Variants in ARHGAP25 observed in about 807,000 individuals in gnomAD.
ARHGAP25 encodes rho GTPase-activating protein 25.
A neutral mutation model predicts 71.0 loss-of-function variants in ARHGAP25; 34 were observed. The observed-to-expected ratio is 0.48, with a 90% CI of 0.36 to 0.64. The LOEUF is 0.64. Among genes scored for constraint, ARHGAP25 ranks in the 30% least tolerant of loss-of-function variants. ARHGAP25 has a pLI of 0.00. For synonymous variants in ARHGAP25, 282 were observed against 296.5 expected (o/e 0.95, Z 0.50); for missense variants, 706 against 805.1 (o/e 0.88, Z 1.49).
chr2:68,751,602 C>G (rs1676180892), intron 1 of ARHGAP25, among the ~76,000 whole-genome samples: 1 of 152,232 alleles, frequency 6.6e-6, no homozygotes. Context: ...TATTCAGTGT[C>G]TTTCCCTTTG....
intron 6 of ARHGAP25, among the ~76,000 whole-genome samples, chr2:68,815,336 C>T (rs1681121008): frequency 6.6e-6 from 1 of 151,748 alleles, no homozygotes. Context: ...TCTATATCTA[C>T]GGAAGCTGCT....
intron 1 of ARHGAP25, among the ~76,000 whole-genome samples, chr2:68,750,374 G>A (rs1164546092): frequency 6.6e-6 from 1 of 150,718 alleles, no homozygotes; most frequent in Non-Finnish European, 1.5e-5. Flanking sequence ...CCAGGCTGGA[G>A]TGCAATGACA....
rs574255626 is a variant in ARHGAP25, at chr2:68,819,016, C to T, written c.1004-107C>T. 115 of 981,550 alleles carry T rather than the reference C, an allele frequency of 1.2e-4. 2 individuals are homozygous for T. Among genetic ancestry groups the T allele is most frequent in the Admixed American group, 1.0e-3 (40 of 39,770 alleles). The allele number at this position is 981,550 out of a possible 1,614,324, so 60.8% of individuals were successfully genotyped here. A position where few individuals can be genotyped will look rare whatever the true frequency, so the allele number is the denominator to read the frequency against. ...GAAGCAAAATGAGGCCCTTCTGGGC[C>T]CTATAGTTTTAGAACCGAGTTTGGA... On this transcript the variant is annotated intron_variant, in intron 8 of 10. Coordinates refer to ENST00000409202, the MANE Select transcript of ARHGAP25 (RefSeq NM_001007231.3).
chr2:68,812,580 G>A lies in ARHGAP25; in HGVS notation c.675-707G>A, dbSNP rs116836876. 3.6e-3 allele frequency among the ~76,000 whole-genome samples: 543 copies of A among 152,344 alleles called. 2 individuals are homozygous for A. The highest frequency in any genetic ancestry group is 0.013 in the African/African-American group (523 of 41,574). On this transcript the variant is annotated intron_variant, in intron 5 of 10. Coordinates refer to ENST00000409202, the MANE Select transcript of ARHGAP25 (RefSeq NM_001007231.3). Reference sequence around the variant, plus strand: ...ATGTGTTCCCATCTCTGCCTTGGGTGTTCTTTTTCCATACTTCCATAGGAT... The same window carrying A: ...ATGTGTTCCCATCTCTGCCTTGGGTATTCTTTTTCCATACTTCCATAGGAT...
At chr2:68,820,135 C>G (rs1681535497) in intron 9 of ARHGAP25, among the ~76,000 whole-genome samples, 1 of 152,200 alleles carries the variant, frequency 6.6e-6, no homozygotes, top group South Asian at 2.1e-4. Flanking sequence ...ATGCATTCTA[C>G]TAACACTCTA....
At chr2:68,789,263 C>T (rs1678993691) in intron 4 of ARHGAP25, among the ~76,000 whole-genome samples, 1 of 152,184 alleles carries the variant, frequency 6.6e-6, no homozygotes, top group Middle Eastern at 3.2e-3. Flanking sequence ...TGGTCTCGAT[C>T]TCCTGGCCTC....
intron 1 of ARHGAP25, among the ~76,000 whole-genome samples, chr2:68,741,144 A>T (rs1470463391): frequency 6.6e-6 from 1 of 152,190 alleles, no homozygotes; most frequent in Non-Finnish European, 1.5e-5. Flanking sequence ...CTTGGATTAC[A>T]TTATCTTGCT....
At chr2:68,797,254 C>T (rs1474246518) in intron 4 of ARHGAP25, among the ~76,000 whole-genome samples, 1 of 152,114 alleles carries the variant, frequency 6.6e-6, no homozygotes, top group East Asian at 1.9e-4. Context: ...TTGTGAAATG[C>T]TTGGTGAGGG....
intron 5 of ARHGAP25, among the ~76,000 whole-genome samples, chr2:68,808,701 T>C (rs997998022): frequency 2.0e-5 from 3 of 152,208 alleles, no homozygotes; most frequent in Non-Finnish European, 4.4e-5. Flanking sequence ...GCTCACCACC[T>C]TTATATTCAG....
At chr2:68,765,978 G>A (rs1677099988) in intron 1 of ARHGAP25, among the ~76,000 whole-genome samples, 1 of 152,190 alleles carries the variant, frequency 6.6e-6, no homozygotes. Context: ...GCCAGTACTT[G>A]AGCATTGCCC....
chr2:68,812,880 T>C lies in ARHGAP25; in HGVS notation c.675-407T>C, dbSNP rs887071516. ...AACCTCAGAACTATTTTAAGCACTC[T>C]GGAAGATTAAAGAGAAGAATGGACC... On this transcript the variant is annotated intron_variant, in intron 5 of 10. Transcript: ENST00000409202. Among the ~76,000 whole-genome samples, 7 of 152,204 alleles carry C rather than the reference T, an allele frequency of 4.6e-5. 1 individual carries two copies. The highest frequency in any genetic ancestry group is 3.9e-4 in the Admixed American group (6 of 15,284).
intron 2 of ARHGAP25, among the ~76,000 whole-genome samples, chr2:68,724,888 T>A (rs1343800500): frequency 1.3e-5 from 2 of 152,218 alleles, no homozygotes; most frequent in Non-Finnish European, 2.9e-5. Context: ...ATAAGATTGA[T>A]CCAGGATATA....
intron 5 of ARHGAP25, among the ~76,000 whole-genome samples, chr2:68,810,183 C>T (rs1321354628): frequency 1.4e-5 from 2 of 143,458 alleles, no homozygotes; most frequent in African/African-American, 2.6e-5. Context: ...GTTAGAGGAA[C>T]AGCAAACTCA....
chr2:68,716,342 C>T (rs1674608101), intron 2 of ARHGAP25, among the ~76,000 whole-genome samples: 1 of 152,142 alleles, frequency 6.6e-6, no homozygotes, highest in Non-Finnish European at 1.5e-5. Context: ...GGAGAGCTGC[C>T]CAGCAAGATT....
chr2:68,712,702 G>C (rs2104245317), intron 2 of ARHGAP25, among the ~76,000 whole-genome samples: 1 of 152,206 alleles, frequency 6.6e-6, no homozygotes, highest in South Asian at 2.1e-4. Flanking sequence ...GTAAGGAAGG[G>C]GTCCAGTTTC....
At chr2:68,797,463 C>G (rs1165540394) in intron 4 of ARHGAP25, among the ~76,000 whole-genome samples, 1 of 152,178 alleles carries the variant, frequency 6.6e-6, no homozygotes, top group Non-Finnish European at 1.5e-5. Flanking sequence ...CAACTCAGTC[C>G]TAGGCCATAG....
At chr2:68,743,754 C>T (rs1675655161) in intron 1 of ARHGAP25, among the ~76,000 whole-genome samples, 1 of 152,040 alleles carries the variant, frequency 6.6e-6, no homozygotes, top group Non-Finnish European at 1.5e-5. Context: ...TGTGAGCGTT[C>T]CTCATTCTCT....
chr2:68,735,300 G>C, intron 1 of ARHGAP25, 40 bp downstream of exon 1: 3 of 1,580,166 alleles, frequency 1.9e-6, no homozygotes, highest in African/African-American at 1.3e-5. Flanking sequence ...TGATTCTTAC[G>C]TATACTCGAG....
rs559888224 is a variant in ARHGAP25, at chr2:68,761,623, A to G, written c.62-13598A>G. On this transcript the variant is annotated intron_variant, in intron 1 of 10. Coordinates refer to ENST00000409202, the MANE Select transcript of ARHGAP25 (RefSeq NM_001007231.3). ...AAGAAGATATGCAAATGGACAATAA[A>G]TGAAATGATGCTATCAATATTAGTA... Among the ~76,000 whole-genome samples, 140 of 152,286 alleles carry G rather than the reference A, an allele frequency of 9.2e-4. 1 individual carries two copies. The highest frequency in any genetic ancestry group is 3.3e-3 in the African/African-American group (138 of 41,568).
Sources: gnomAD v4.1 joint callset for allele counts (sites outside exome capture counted in the v4.1 genomes callset) on GRCh38, gnomAD v4.1.1 for gene constraint, MANE v1.5 for transcripts, NCBI Gene and HGNC (gene_info 2026-07-23, HGNC 2026-07-21) for gene names.